Variants in ZHX2 observed in about 807,000 individuals in gnomAD.
ZHX2 encodes zinc fingers and homeoboxes 2.
A neutral mutation model predicts 21.9 loss-of-function variants in ZHX2; 6 were observed. The ratio of observed to expected loss-of-function variants is 0.27; its 90% CI spans 0.15 to 0.54. The LOEUF is 0.54. Among genes scored for constraint, ZHX2 ranks in the 20% least tolerant of loss-of-function variants. ZHX2 has a pLI of 0.95. For missense variants in ZHX2, 908 were observed against 1,090.7 expected, an observed-to-expected ratio of 0.83 and a Z score of 2.36; for synonymous variants, 434 against 437.1, an observed-to-expected ratio of 0.99 and a Z score of 0.09.
At chr8:122,847,357 C>T (rs1409351059) in intron 1 of ZHX2, among the ~76,000 whole-genome samples, 1 of 152,228 alleles carries the variant, frequency 6.6e-6, no homozygotes, top group Non-Finnish European at 1.5e-5. Context: ...CTGCCTCCTG[C>T]CCCAGGTGGC....
At chr8:122,796,271 A>T (rs11780148) in intron 1 of ZHX2, among the ~76,000 whole-genome samples, 41,020 of 152,034 alleles carry the variant, frequency 0.27, 6,775 homozygotes, top group Non-Finnish European at 0.37. Flanking sequence ...GAGAGACCAC[A>T]CAACGGGAAC....
chr8:122,899,882 C>T (rs1397143585), intron 2 of ZHX2, among the ~76,000 whole-genome samples: 2 of 152,250 alleles, frequency 1.3e-5, no homozygotes, highest in South Asian at 2.1e-4. Flanking sequence ...TCTCATGCTA[C>T]TGCTTTCCTC....
chr8:122,920,715 G>A (rs968223414), intron 2 of ZHX2, among the ~76,000 whole-genome samples: 8 of 152,158 alleles, frequency 5.3e-5, no homozygotes, highest in Non-Finnish European at 7.3e-5. Flanking sequence ...GGCAGGCCAC[G>A]TGCCCTCCAG....
intron 2 of ZHX2, among the ~76,000 whole-genome samples, chr8:122,896,634 T>A (rs1220623820): frequency 6.6e-6 from 1 of 152,222 alleles, no homozygotes; most frequent in Non-Finnish European, 1.5e-5. Flanking sequence ...ACTTACATAC[T>A]AGAAGCTGCT....
intron 2 of ZHX2, among the ~76,000 whole-genome samples, chr8:122,945,788 C>T (rs753446036): frequency 5.3e-5 from 8 of 152,218 alleles, no homozygotes; most frequent in Non-Finnish European, 8.8e-5. Flanking sequence ...GTTCAGGCAA[C>T]CTCCTGAGGG....
chr8:122,927,718 C>G (rs1326025350), intron 2 of ZHX2, among the ~76,000 whole-genome samples: 1 of 152,212 alleles, frequency 6.6e-6, no homozygotes, highest in African/African-American at 2.4e-5. Context: ...AGACCCACCC[C>G]TGTGATTCAG....
chr8:122,861,035 C>CAA lies in ZHX2; in HGVS notation c.-282-2420_-282-2419dup, dbSNP rs36046690. 7.8e-3 allele frequency among the ~76,000 whole-genome samples: 515 copies of CAA among 65,802 alleles called. 5 individuals are homozygous for CAA. Among genetic ancestry groups the CAA allele is most frequent in the African/African-American group, 0.019 (304 of 15,986 alleles). 43.2% of individuals were successfully genotyped at this position (65,802 alleles called of 152,430 possible). A position where few individuals can be genotyped will look rare whatever the true frequency, so the allele number is the denominator to read the frequency against. ...CTGGAGACAGAGCAAGACTTCGTCT[C>CAA]AAAAAAAAAAAAAAAAAAAAAAAGC... On this transcript the variant is annotated intron_variant, in intron 1 of 3. Coordinates refer to ENST00000314393, the MANE Select transcript of ZHX2 (RefSeq NM_014943.5).
chr8:122,906,666 C>CTTTTTTT (rs771349214), intron 2 of ZHX2, among the ~76,000 whole-genome samples: 3 of 123,428 alleles, frequency 2.4e-5, no homozygotes, highest in Admixed American at 8.7e-5. Context: ...ACATAATTTC[C>CTTTTTTT]TTTTTTTTTT....
chr8:122,946,065 C>T (rs778709900), intron 2 of ZHX2, among the ~76,000 whole-genome samples: 1 of 152,222 alleles, frequency 6.6e-6, no homozygotes, highest in African/African-American at 2.4e-5. Context: ...TGCTGGGACA[C>T]GCACCACTCG....
chr8:122,963,005 T>C (rs556891456), intron 3 of ZHX2, among the ~76,000 whole-genome samples: 1 of 152,376 alleles, frequency 6.6e-6, no homozygotes, highest in South Asian at 2.1e-4. Context: ...GAGTTCCTTG[T>C]AGATTCTGGA....
chr8:122,943,952 CCT>C (rs1369398381), intron 2 of ZHX2, among the ~76,000 whole-genome samples: 3 of 152,206 alleles, frequency 2.0e-5, no homozygotes, highest in Non-Finnish European at 4.4e-5. Flanking sequence ...TGTTCAGCCT[CCT>C]CTCTACCTCT....
chr8:122,944,710 G>A (rs1377687672), intron 2 of ZHX2, among the ~76,000 whole-genome samples: 2 of 152,174 alleles, frequency 1.3e-5, no homozygotes, highest in Non-Finnish European at 2.9e-5. Context: ...GTCAGTGTTT[G>A]TCGACTGCAG....
In ZHX2 at chr8:122,972,733, C is replaced by A. The variant is rs892365166; in HGVS notation, c.*5-509C>A. On this transcript the variant is annotated intron_variant, in intron 3 of 3. Transcript: ENST00000314393. ...TGTTGTGTACATCAACGCATGGCATCATCGCAGCAACTTTCTAAGGTGGGT... is the reference window on the plus strand; with the variant it reads ...TGTTGTGTACATCAACGCATGGCATAATCGCAGCAACTTTCTAAGGTGGGT... Among the ~76,000 whole-genome samples, 6 of 152,318 alleles carry A rather than the reference C, an allele frequency of 3.9e-5. No individual in the cohort carries two copies. In the East Asian group the frequency reaches 5.8e-4, roughly 15 times the overall value.
rs137857072 is a variant in ZHX2, at chr8:122,962,488, G to T, written c.*4+8460G>T. On this transcript the variant is annotated intron_variant, in intron 3 of 3. Transcript: ENST00000314393. ...TTTTATGGCTGAGTAGTATTCCATG[G>T]TATATACATACCACATTTTCTTTAT... Among the ~76,000 whole-genome samples, 814 of 152,242 alleles carry T rather than the reference G, an allele frequency of 5.3e-3. 4 individuals carry two copies. Among genetic ancestry groups the T allele is most frequent in the African/African-American group, 0.018 (745 of 41,534 alleles).
At chr8:122,869,982 T>G (rs1392913603) in intron 2 of ZHX2, among the ~76,000 whole-genome samples, 1 of 152,222 alleles carries the variant, frequency 6.6e-6, no homozygotes, top group African/African-American at 2.4e-5. Flanking sequence ...TGTCATTGAT[T>G]ACTGGATTCA....
chr8:122,945,060 C>A (rs1408702818), intron 2 of ZHX2, among the ~76,000 whole-genome samples: 1 of 152,134 alleles, frequency 6.6e-6, no homozygotes, highest in Non-Finnish European at 1.5e-5. Flanking sequence ...AAGAACCCAA[C>A]CCTGCTGGCA....
chr8:122,792,853 T>C (rs1331790067), intron 1 of ZHX2, among the ~76,000 whole-genome samples: 1 of 151,838 alleles, frequency 6.6e-6, no homozygotes, highest in African/African-American at 2.4e-5. Context: ...CACCCGAGAG[T>C]GTGTCCTTAA....
chr8:122,955,080 G>GGT (rs986169707), intron 3 of ZHX2, among the ~76,000 whole-genome samples: 3 of 143,646 alleles, frequency 2.1e-5, no homozygotes, highest in African/African-American at 7.8e-5. Context: ...GGGGGGGGGG[G>GGT]GGTGGCAGGG....
rs147897583 is a variant in ZHX2 at position 122,951,536 on chromosome 8, C to T, written c.26C>T (p.Thr9Ile). 55 of 1,613,248 alleles carry T rather than the reference C, an allele frequency of 3.4e-5. No individual in the cohort carries two copies. In the East Asian group the frequency reaches 1.0e-3, roughly 30 times the overall value. MASKRKST[T>I]PCMVRTSQVV... ...ATGGCTAGCAAACGAAAATCTACAA[C>T]TCCATGCATGGTTCGGACATCACAA... Residue 9 changes from threonine (T) to isoleucine (I), a missense_variant, in exon 3 of 4, where the codon ACT (threonine) becomes ATT (isoleucine). Transcript: ENST00000314393.
Sources: gnomAD v4.1 joint callset for allele counts (sites outside exome capture counted in the v4.1 genomes callset) on GRCh38, gnomAD v4.1.1 for gene constraint, MANE v1.5 for transcripts, NCBI Gene and HGNC (gene_info 2026-07-23, HGNC 2026-07-21) for gene names.